Variants in NAV3 observed in about 807,000 individuals in gnomAD.
The protein encoded by NAV3 is neuron navigator 3.
In NAV3, 87 loss-of-function variants were observed where a neutral mutation model predicts 244.7. The observed-to-expected ratio is 0.36, with a 90% CI of 0.30 to 0.42. The LOEUF (loss-of-function observed/expected upper bound fraction) is 0.42. NAV3 is among the 20% of genes least tolerant of loss of function. The pLI is 1.00. For synonymous variants in NAV3, 1,126 were observed against 1,042.2 expected (o/e 1.08, Z -1.55); for missense variants, 2,663 against 2,893.3 (o/e 0.92, Z 1.83).
chr12:78,031,748 G>A (rs1003231424), intron 9 of NAV3, among the ~76,000 whole-genome samples: 1 of 107,618 alleles, frequency 9.3e-6, no homozygotes, highest in Non-Finnish European at 1.8e-5. Flanking sequence ...GGTGGGGGGA[G>A]GGGGGAGGGA....
At chr12:77,832,414 C>T (rs7305246) in intron 1 of NAV3, among the ~76,000 whole-genome samples, 25,476 of 152,102 alleles carry the variant, frequency 0.17, 5,006 homozygotes, top group African/African-American at 0.48. Context: ...TGCTGAACTT[C>T]ATGCGGATTC....
chr12:78,126,403 A>C (rs1167342964), intron 16 of NAV3, among the ~76,000 whole-genome samples: 2 of 152,196 alleles, frequency 1.3e-5, no homozygotes. Flanking sequence ...CAGAGATTAT[A>C]AAAGAAATCC....
Position 77,768,484 on chromosome 12 carries a change from G to A in NAV3, c.73-171835G>A, listed in dbSNP as rs529198505. Among the ~76,000 whole-genome samples the A allele has an allele frequency of 2.6e-5, 4 of 152,360 alleles. No individual in the cohort carries two copies. In the South Asian group the frequency reaches 8.3e-4, roughly 32 times the overall value. ...CTGTGCTTAGCATCACCCAAAGACT[G>A]GAGGGGGCTGAGGCAGCAGGGGGCT... On this transcript the variant is annotated intron_variant, in intron 2 of 8. Transcript: ENST00000550042.
intron 17 of NAV3, among the ~76,000 whole-genome samples, chr12:78,127,551 G>A (rs12368592): frequency 0.15 from 22,561 of 152,150 alleles, 1,977 homozygotes; most frequent in Admixed American, 0.28. Flanking sequence ...TTGGTAGAAT[G>A]CAGAACTCAC....
Position 78,206,817 on chromosome 12 carries a change from A to G in NAV3, c.7038+1679A>G, listed in dbSNP as rs190402744. ...TTTGGCAGGCTTTCTCTGGTTTTAAAAAAATAAATATTTCTATCTTTTTTC... is the reference window on the plus strand; with the variant it reads ...TTTGGCAGGCTTTCTCTGGTTTTAAGAAAATAAATATTTCTATCTTTTTTC... On this transcript the variant is annotated intron_variant, in intron 39 of 39. Coordinates refer to ENST00000397909, the MANE Select transcript of NAV3 (RefSeq NM_001024383.2). Among the ~76,000 whole-genome samples the G allele has an allele frequency of 2.5e-4, 38 of 151,664 alleles. 1 individual carries two copies. The highest frequency in any genetic ancestry group is 8.9e-4 in the African/African-American group (37 of 41,418).
At chr12:77,719,235 T>G (rs566183517) in intron 2 of NAV3, among the ~76,000 whole-genome samples, 10 of 152,250 alleles carry the variant, frequency 6.6e-5, no homozygotes, top group Non-Finnish European at 1.0e-4. Flanking sequence ...TTTTTACATT[T>G]ATGAGTATAT....
intron 2 of NAV3, among the ~76,000 whole-genome samples, chr12:77,820,513 A>G (rs928719543): frequency 5.9e-5 from 9 of 152,190 alleles, no homozygotes; most frequent in Non-Finnish European, 8.8e-5. Context: ...TCCAAAGGCC[A>G]CAACCGCCAA....
intron 2 of NAV3, among the ~76,000 whole-genome samples, chr12:77,812,429 T>A (rs1489087666): frequency 6.6e-6 from 1 of 152,170 alleles, no homozygotes; most frequent in East Asian, 1.9e-4. Context: ...TTTTATTTTT[T>A]TGAGACAGTC....
At chr12:78,135,646 A>G (rs1372190939) in intron 18 of NAV3, among the ~76,000 whole-genome samples, 1 of 152,212 alleles carries the variant, frequency 6.6e-6, no homozygotes, top group Non-Finnish European at 1.5e-5. Context: ...AACCAAGAAT[A>G]GGGTGACTTA....
chr12:78,169,161 A>T (rs1957899897), intron 24 of NAV3, among the ~76,000 whole-genome samples: 1 of 151,676 alleles, frequency 6.6e-6, no homozygotes, highest in Admixed American at 6.6e-5. Flanking sequence ...TTCAGTGGAG[A>T]TGGAGATGGA....
upstream of NAV3, among the ~76,000 whole-genome samples, chr12:77,826,670 G>A (rs1318704518): frequency 1.3e-5 from 2 of 152,160 alleles, no homozygotes; most frequent in African/African-American, 2.4e-5. Context: ...ATTATGCTAA[G>A]TGAAAACAGC....
At chr12:77,641,851 A>C (rs372740832) in intron 2 of NAV3, among the ~76,000 whole-genome samples, 1 of 152,134 alleles carries the variant, frequency 6.6e-6, no homozygotes, top group Non-Finnish European at 1.5e-5. Flanking sequence ...ATTTATAGGA[A>C]TATTTCCAAG....
intron 24 of NAV3, among the ~76,000 whole-genome samples, chr12:78,172,854 A>G (rs530711332): frequency 6.6e-6 from 1 of 151,782 alleles, no homozygotes; most frequent in Non-Finnish European, 1.5e-5. Context: ...TATTCTTATT[A>G]AAGTGAGAAG....
intron 1 of NAV3, among the ~76,000 whole-genome samples, chr12:77,843,233 A>T (rs1875999390): frequency 6.6e-6 from 1 of 152,054 alleles, no homozygotes; most frequent in Non-Finnish European, 1.5e-5. Flanking sequence ...AAGGTTTACT[A>T]TTATCTCCAA....
At chr12:77,751,371 T>C (rs1868845060) in intron 2 of NAV3, among the ~76,000 whole-genome samples, 2 of 152,202 alleles carry the variant, frequency 1.3e-5, no homozygotes, top group Admixed American at 1.3e-4. Flanking sequence ...TTTGGCTGTG[T>C]CCCTGCCCAA....
At chr12:77,695,625 G>A (rs1183988630) in intron 2 of NAV3, among the ~76,000 whole-genome samples, 1 of 152,024 alleles carries the variant, frequency 6.6e-6, no homozygotes, top group East Asian at 1.9e-4. Flanking sequence ...TACAAAATAC[G>A]ATGAATAATT....
In NAV3 at chr12:78,007,088, A is replaced by G. The variant is rs1286910807; in HGVS notation, c.1550A>G (p.Lys517Arg). 1 of 1,614,214 alleles carries G rather than the reference A, an allele frequency of 6.2e-7. No individual in the cohort carries two copies. The highest frequency in any genetic ancestry group is 8.5e-7 in the Non-Finnish European group (1 of 1,180,042). The change falls in exon 8 of 40, where the codon AAG becomes AGG. Residue 517 changes from lysine to arginine, a missense_variant. Lys to Arg is a conservative substitution (Grantham distance 26, BLOSUM62 2). Transcript: ENST00000397909. ...PKGSKTTAAK[K>R]ESLIPSSSGI... ...GGCAGCAAGACAACAGCAGCTAAGA[A>G]GGAAAGCTTAATTCCGTCTTCCAGT...
chr12:78,188,417 G>T, intron 32 of NAV3, 74 bp downstream of exon 32: 1 of 1,306,598 alleles, frequency 7.7e-7, no homozygotes. Context: ...AACTTCAATA[G>T]CAGAGACACA....
chr12:77,881,524 C>T (rs1046790338), intron 1 of NAV3, among the ~76,000 whole-genome samples: 4 of 152,246 alleles, frequency 2.6e-5, no homozygotes, highest in Admixed American at 1.3e-4. Flanking sequence ...TGGAACAAGA[C>T]AAGGATGCCC....
Sources: gnomAD v4.1 joint callset for allele counts (sites outside exome capture counted in the v4.1 genomes callset) on GRCh38, gnomAD v4.1.1 for gene constraint, MANE v1.5 for transcripts, NCBI Gene and HGNC (gene_info 2026-07-23, HGNC 2026-07-21) for gene names.